MAGI2: variants seen among roughly 807,000 people sequenced by gnomAD.
The protein encoded by MAGI2 is membrane associated guanylate kinase, WW and PDZ domain containing 2.
A neutral mutation model predicts 133.3 loss-of-function variants in MAGI2; 35 were observed. That is an observed-to-expected ratio of 0.26 (90% CI 0.20 to 0.35). The LOEUF is 0.35. Ranked by LOEUF, MAGI2 falls within the 10% of genes least tolerant of loss-of-function variation. The pLI is 1.00. For missense variants in MAGI2, 1,636 were observed against 1,863.4 expected (o/e 0.88, Z 2.25); for synonymous variants, 729 against 710.6 (o/e 1.03, Z -0.41).
At chr7:78,295,371 A>G (rs1022843699) in intron 9 of MAGI2, among the ~76,000 whole-genome samples, 6 of 152,144 alleles carry the variant, frequency 3.9e-5, no homozygotes, top group Non-Finnish European at 7.4e-5. Context: ...CTCTTAGACT[A>G]ACAGGAGAAT....
At chr7:79,024,093 G>A (rs781124391) in intron 1 of MAGI2, among the ~76,000 whole-genome samples, 255 of 152,052 alleles carry the variant, frequency 1.7e-3, no homozygotes, top group Non-Finnish European at 3.0e-3. Flanking sequence ...ATACTACAAG[G>A]CTACATTCAC....
chr7:78,323,472 G>T (rs777112901), intron 9 of MAGI2, among the ~76,000 whole-genome samples: 2 of 152,104 alleles, frequency 1.3e-5, no homozygotes, highest in Non-Finnish European at 1.5e-5. Context: ...TTTATCACAT[G>T]CTTGAAACAA....
At position 78,987,127 on chromosome 7, in the gene MAGI2, G is replaced by C. The variant is rs143453979; in HGVS notation, c.418+19963C>G. Among the ~76,000 whole-genome samples the C allele has an allele frequency of 2.6e-3, 398 of 152,144 alleles. 2 individuals are homozygous for C. The highest frequency in any genetic ancestry group is 8.9e-3 in the African/African-American group (371 of 41,548). On this transcript the variant is annotated intron_variant, in intron 2 of 21. Coordinates refer to ENST00000354212, the MANE Select transcript of MAGI2 (RefSeq NM_012301.4). ...TTCATACAGAAGGTCAATACAACTG[G>C]TGTGGTGGATGAATAATGTGGTATT...
At chr7:78,545,757 A>G (rs1161733534) in intron 3 of MAGI2, among the ~76,000 whole-genome samples, 2 of 152,222 alleles carry the variant, frequency 1.3e-5, no homozygotes, top group African/African-American at 2.4e-5. Flanking sequence ...TTGATATTTC[A>G]TACATTACAT....
intron 2 of MAGI2, among the ~76,000 whole-genome samples, chr7:78,880,313 A>G (rs1334472021): frequency 1.3e-5 from 2 of 152,196 alleles, no homozygotes; most frequent in African/African-American, 2.4e-5. Context: ...AAATCTTAAA[A>G]GGCAGCTAGA....
At chr7:78,452,115 T>C (rs4513910) in intron 6 of MAGI2, among the ~76,000 whole-genome samples, 120,932 of 151,926 alleles carry the variant, frequency 0.8, 49,360 homozygotes, top group East Asian at 0.95. Context: ...CTTTACTGAG[T>C]GTGGACTGTG....
At chr7:78,290,890 A>G (rs1237267498) in intron 9 of MAGI2, among the ~76,000 whole-genome samples, 1 of 152,226 alleles carries the variant, frequency 6.6e-6, no homozygotes, top group Non-Finnish European at 1.5e-5. Context: ...GAAACCAATG[A>G]GAACAAAGAC....
At chr7:78,964,180 AT>A in intron 2 of MAGI2, among the ~76,000 whole-genome samples, 1 of 151,690 alleles carries the variant, frequency 6.6e-6, no homozygotes, top group Non-Finnish European at 1.5e-5. Flanking sequence ...GTAATAATAC[AT>A]TATTTATTCT....
chr7:79,148,850 A>T (rs140301629), intron 1 of MAGI2, among the ~76,000 whole-genome samples: 1,486 of 142,634 alleles, frequency 0.01, 7 homozygotes, highest in Non-Finnish European at 0.016. Flanking sequence ...TGTATGTTTT[A>T]TATATATATA....
chr7:78,041,242 A>C (rs1226025175), intron 21 of MAGI2, among the ~76,000 whole-genome samples: 3 of 152,224 alleles, frequency 2.0e-5, no homozygotes, highest in Non-Finnish European at 2.9e-5. Context: ...TAGACAGCCA[A>C]ACACAAACAC....
intron 1 of MAGI2, among the ~76,000 whole-genome samples, chr7:79,046,623 T>A (rs866165527): frequency 6.6e-6 from 1 of 152,208 alleles, no homozygotes; most frequent in Non-Finnish European, 1.5e-5. Flanking sequence ...CTTAGAGAGT[T>A]TACAAAACTT....
intron 1 of MAGI2, among the ~76,000 whole-genome samples, chr7:79,290,097 T>G (rs1189764723): frequency 6.6e-6 from 1 of 152,034 alleles, no homozygotes; most frequent in Admixed American, 6.6e-5. Context: ...AATCACATAT[T>G]AACTACATAT....
intron 6 of MAGI2, among the ~76,000 whole-genome samples, chr7:78,372,735 A>T (rs955029714): frequency 2.0e-5 from 3 of 152,146 alleles, no homozygotes; most frequent in African/African-American, 7.2e-5. Context: ...TGGAATAAAA[A>T]CAAAAGATTA....
chr7:79,273,173 G>A (rs1369754384), intron 1 of MAGI2, among the ~76,000 whole-genome samples: 5 of 151,966 alleles, frequency 3.3e-5, no homozygotes, highest in Non-Finnish European at 7.4e-5. Context: ...AGAGTCTTAC[G>A]TAGGGATGCC....
At chr7:78,767,229 T>G (rs78155357) in intron 2 of MAGI2, among the ~76,000 whole-genome samples, 14,336 of 152,160 alleles carry the variant, frequency 0.094, 869 homozygotes, top group East Asian at 0.23. Flanking sequence ...AACCTTGTGA[T>G]CCGCCTGCCT....
In MAGI2 at chr7:79,290,317, C is replaced by T. The variant is rs569486978; in HGVS notation, c.301+162703G>A. 1.6e-4 allele frequency among the ~76,000 whole-genome samples: 24 copies of T among 151,434 alleles called. No homozygotes were observed. In the East Asian group the frequency reaches 4.5e-3, roughly 28 times the overall value. ...TTAAACTAAGCTTCGATCACTTTTGCTATCTTAATATGATTAATACAATTG... is the reference window on the plus strand; with the variant it reads ...TTAAACTAAGCTTCGATCACTTTTGTTATCTTAATATGATTAATACAATTG... On this transcript the variant is annotated intron_variant, in intron 1 of 21. Transcript: ENST00000354212.
intron 21 of MAGI2, among the ~76,000 whole-genome samples, chr7:78,022,439 C>T (rs1014782766): frequency 1.3e-5 from 2 of 152,122 alleles, no homozygotes; most frequent in African/African-American, 4.8e-5. Context: ...CACACCATTT[C>T]CTGAAGGAGG....
intron 6 of MAGI2, among the ~76,000 whole-genome samples, chr7:78,390,834 C>T (rs924988971): frequency 4.6e-5 from 7 of 152,106 alleles, no homozygotes; most frequent in African/African-American, 7.2e-5. Flanking sequence ...GTTATTGATG[C>T]TATCTATCAG....
chr7:78,137,372 G>A (rs928350163), intron 16 of MAGI2, among the ~76,000 whole-genome samples: 2 of 152,200 alleles, frequency 1.3e-5, no homozygotes, highest in East Asian at 1.9e-4. Flanking sequence ...AATTAAATGA[G>A]TTATCATATG....
Sources: gnomAD v4.1 joint callset for allele counts (sites outside exome capture counted in the v4.1 genomes callset) on GRCh38, gnomAD v4.1.1 for gene constraint, MANE v1.5 for transcripts, NCBI Gene and HGNC (gene_info 2026-07-23, HGNC 2026-07-21) for gene names.